GJB7: variants seen among roughly 807,000 people sequenced by gnomAD.
The protein encoded by GJB7 is gap junction protein beta 7.
For missense variants in GJB7, 253 were observed against 256.8 expected (o/e 0.99, Z 0.10); for synonymous variants, 87 against 95.2 (o/e 0.91, Z 0.50).
intron 2 of GJB7, among the ~76,000 whole-genome samples, chr6:87,293,055 C>A (rs551393644): frequency 6.6e-6 from 1 of 152,084 alleles, no homozygotes; most frequent in Non-Finnish European, 1.5e-5. Flanking sequence ...TTTTTTGAGA[C>A]GGAGTCTCGC....
intron 2 of GJB7, among the ~76,000 whole-genome samples, chr6:87,290,005 A>G (rs548903175): frequency 6.6e-6 from 1 of 152,334 alleles, no homozygotes; most frequent in Non-Finnish European, 1.5e-5. Flanking sequence ...AAAATCCTTC[A>G]GCCTTCATAC....
intron 2 of GJB7, among the ~76,000 whole-genome samples, chr6:87,287,697 T>C (rs1776085901): frequency 6.6e-6 from 1 of 152,200 alleles, no homozygotes; most frequent in South Asian, 2.1e-4. Context: ...CGTTTGTCTG[T>C]ATTACTCAAG....
intron 2 of GJB7, among the ~76,000 whole-genome samples, chr6:87,311,566 C>T (rs1000667585): frequency 1.1e-4 from 17 of 152,074 alleles, no homozygotes; most frequent in African/African-American, 4.1e-4. Context: ...GCAGGTATTT[C>T]AAGGTGGGGA....
At chr6:87,310,263 T>C (rs1398930549) in intron 2 of GJB7, among the ~76,000 whole-genome samples, 1 of 152,180 alleles carries the variant, frequency 6.6e-6, no homozygotes, top group East Asian at 1.9e-4. Flanking sequence ...GGAAAAGATT[T>C]CTTAGATATG....
intron 2 of GJB7, among the ~76,000 whole-genome samples, chr6:87,288,054 C>G (rs1776094505): frequency 6.6e-6 from 1 of 152,096 alleles, no homozygotes; most frequent in African/African-American, 2.4e-5. Flanking sequence ...AGGTGCCCAC[C>G]ACCACGGCTG....
Position 87,329,126 on chromosome 6 carries a change from G to A in GJB7, c.-206+12C>T, listed in dbSNP as rs114519347. The A allele has an allele frequency of 2.2e-3, 335 of 154,738 alleles. 1 individual carries two copies. The highest frequency in any genetic ancestry group is 7.7e-3 in the African/African-American group (321 of 41,596). The allele number at this position is 154,738 out of a possible 1,614,324, so 9.6% of individuals were successfully genotyped here. On this transcript the variant is annotated intron_variant, in intron 1 of 2. Coordinates refer to ENST00000525899, the MANE Select transcript of GJB7 (RefSeq NM_198568.3). ...CTGCTTCGGCTCTCACATGGTGCGCGCACCCACTTACCTGCGCCCAGTGTC... is the reference window on the plus strand; with the variant it reads ...CTGCTTCGGCTCTCACATGGTGCGCACACCCACTTACCTGCGCCCAGTGTC...
At chr6:87,289,980 A>G (rs915740089) in intron 2 of GJB7, among the ~76,000 whole-genome samples, 3 of 152,332 alleles carry the variant, frequency 2.0e-5, no homozygotes, top group Admixed American at 1.3e-4. Context: ...GCAGACTGCC[A>G]GCGACACTCC....
rs541515329 is a variant in GJB7 at position 87,325,982 on chromosome 6, A to G, written c.-205-2939T>C. 5.3e-5 allele frequency among the ~76,000 whole-genome samples: 8 copies of G among 152,168 alleles called. No individual in the cohort carries two copies. The East Asian group carries it at 9.6e-4, about 18-fold the overall frequency. Reference sequence around the variant, plus strand: ...CTATTAAGAGATTCAACTTCTTCCTAGTTTAGTCTTGGGAGAGTGTATGTG... The same window carrying G: ...CTATTAAGAGATTCAACTTCTTCCTGGTTTAGTCTTGGGAGAGTGTATGTG... On this transcript the variant is annotated intron_variant, in intron 1 of 2. Transcript: ENST00000525899.
intron 1 of GJB7, among the ~76,000 whole-genome samples, chr6:87,328,372 T>C (rs992455750): frequency 2.6e-5 from 4 of 152,118 alleles, no homozygotes; most frequent in Non-Finnish European, 4.4e-5. Context: ...TTTTTCCCCA[T>C]CTTTGTGGTT....
At chr6:87,298,290 CCTT>C (rs1309550022) in intron 2 of GJB7, among the ~76,000 whole-genome samples, 5 of 152,260 alleles carry the variant, frequency 3.3e-5, no homozygotes, top group Non-Finnish European at 5.9e-5. Flanking sequence ...CCAACATTCA[CCTT>C]CTCTATTTCC....
At chr6:87,319,839 A>C (rs780389819) in intron 2 of GJB7, among the ~76,000 whole-genome samples, 14 of 152,248 alleles carry the variant, frequency 9.2e-5, no homozygotes, top group Admixed American at 2.0e-4. Context: ...AGTACTATTC[A>C]GCCATAAAAA....
intron 1 of GJB7, among the ~76,000 whole-genome samples, chr6:87,327,324 T>C (rs1776852026): frequency 6.6e-6 from 1 of 151,866 alleles, no homozygotes; most frequent in South Asian, 2.1e-4. Context: ...TAGCTCGTTA[T>C]TTTGCTCGTT....
intron 2 of GJB7, among the ~76,000 whole-genome samples, chr6:87,293,948 T>C (rs1251268650): frequency 6.6e-6 from 1 of 152,140 alleles, no homozygotes; most frequent in Non-Finnish European, 1.5e-5. Flanking sequence ...AGGTTACAAG[T>C]TGGATCTTTA....
chr6:87,303,738 C>T (rs1221456798), intron 2 of GJB7, among the ~76,000 whole-genome samples: 14 of 152,228 alleles, frequency 9.2e-5, no homozygotes, highest in East Asian at 3.8e-4. Context: ...CTCAGCACTA[C>T]GTTGCACTTA....
chr6:87,319,201 G>A (rs1166695842), intron 2 of GJB7, among the ~76,000 whole-genome samples: 2 of 152,180 alleles, frequency 1.3e-5, no homozygotes, highest in East Asian at 1.9e-4. Context: ...TACAAAAGCC[G>A]AATCAGATTG....
intron 2 of GJB7, among the ~76,000 whole-genome samples, chr6:87,316,810 C>G (rs1335652779): frequency 1.3e-5 from 2 of 152,204 alleles, no homozygotes; most frequent in African/African-American, 4.8e-5. Context: ...CTCTCATGTT[C>G]CATTTTATTA....
At chr6:87,327,299 A>T (rs193257377) in intron 1 of GJB7, among the ~76,000 whole-genome samples, 9 of 150,416 alleles carry the variant, frequency 6.0e-5, no homozygotes, top group Non-Finnish European at 1.2e-4. Flanking sequence ...TGTGAATTTG[A>T]TCCTGTCATT....
At chr6:87,306,049 CG>C (rs1776422032) in intron 2 of GJB7, among the ~76,000 whole-genome samples, 1 of 151,576 alleles carries the variant, frequency 6.6e-6, no homozygotes, top group Admixed American at 6.6e-5. Flanking sequence ...AAGACTTAAA[CG>C]TTAGACCTAA....
chr6:87,285,162 T>C (rs767697970), intron 2 of GJB7, among the ~76,000 whole-genome samples: 6 of 152,136 alleles, frequency 3.9e-5, no homozygotes, highest in Non-Finnish European at 8.8e-5. Context: ...TAATTTGAGA[T>C]TTGGTTGGTC....
Sources: gnomAD v4.1 joint callset for allele counts (sites outside exome capture counted in the v4.1 genomes callset) on GRCh38, gnomAD v4.1.1 for gene constraint, MANE v1.5 for transcripts, NCBI Gene and HGNC (gene_info 2026-07-23, HGNC 2026-07-21) for gene names.